Variants in CLASP2 observed in about 807,000 individuals in gnomAD.
CLASP2 encodes cytoplasmic linker associated protein 2.
In CLASP2, 47 loss-of-function variants were observed where a neutral mutation model predicts 194.4. That is an observed-to-expected ratio of 0.24 (90% CI 0.19 to 0.31). The LOEUF (loss-of-function observed/expected upper bound fraction) is 0.31. CLASP2 is among the 10% of genes least tolerant of loss of function. The pLI, the probability that CLASP2 is intolerant of heterozygous loss-of-function variation, is 1.00. For synonymous variants in CLASP2, 619 were observed against 633.5 expected (o/e 0.98, Z 0.34); for missense variants, 1,445 against 1,823.6 (o/e 0.79, Z 3.78).
intron 7 of CLASP2, among the ~76,000 whole-genome samples, chr3:33,651,762 C>T (rs2083265464): frequency 6.7e-6 from 1 of 150,242 alleles, no homozygotes; most frequent in African/African-American, 2.5e-5. Flanking sequence ...CGAGTTCAAG[C>T]GATTCCACTG....
chr3:33,615,776 T>C (rs1220069521), intron 12 of CLASP2, among the ~76,000 whole-genome samples: 4 of 152,042 alleles, frequency 2.6e-5, no homozygotes, highest in East Asian at 3.9e-4. Context: ...CTGATCAGAA[T>C]GTCATGAAAC....
At chr3:33,566,619 T>C (rs2062782175) in intron 27 of CLASP2, 113 bp downstream of exon 27, 3 of 342,090 alleles carry the variant, frequency 8.8e-6, no homozygotes, top group South Asian at 6.9e-5. Flanking sequence ...ATTTCGTGGA[T>C]TGCAAAGGTT....
intron 7 of CLASP2, among the ~76,000 whole-genome samples, chr3:33,660,089 G>A (rs1056700715): frequency 6.6e-6 from 1 of 152,082 alleles, no homozygotes; most frequent in Non-Finnish European, 1.5e-5. Flanking sequence ...ACACACACTC[G>A]ACAAATAAGA....
intron 9 of CLASP2, chr3:33,627,297 G>C: frequency 1.9e-6 from 1 of 516,672 alleles, no homozygotes; most frequent in Non-Finnish European, 3.5e-6. Flanking sequence ...CTTCCCTCAT[G>C]AATAACTTCA....
chr3:33,688,292 A>G lies in CLASP2; in HGVS notation c.455T>C (p.Ile152Thr). 3 of 1,578,854 alleles carry G rather than the reference A, an allele frequency of 1.9e-6. No homozygotes were observed. The highest frequency in any genetic ancestry group is 1.3e-5 in the African/African-American group (1 of 74,150). The change falls in exon 4 of 39, where the codon ATT (isoleucine) becomes ACT (threonine). Residue 152 changes from isoleucine (I) to threonine (T), a missense_variant. By Grantham distance (89) the Ile-to-Thr change is moderately conservative. Around this residue, in one of 4 missense-constraint regions of CLASP2, gnomAD observed 332 missense variants for 325.3 expected, o/e 1.02. Coordinates refer to ENST00000682230, the MANE Select transcript of CLASP2 (RefSeq NM_001365631.1). ...RSREGVCLCLIETLNIFGAQP... is the reference protein window; with the variant it reads ...RSREGVCLCLTETLNIFGAQP... Reference sequence around the variant, plus strand: ...TAAAACTTACATGTTTAAGGTTTCAATAAGACACAGACACACGCCTTCTCG... The same window carrying G: ...TAAAACTTACATGTTTAAGGTTTCAGTAAGACACAGACACACGCCTTCTCG...
intron 1 of CLASP2, among the ~76,000 whole-genome samples, chr3:33,712,134 G>A (rs2093044302): frequency 6.6e-6 from 1 of 152,162 alleles, no homozygotes; most frequent in African/African-American, 2.4e-5. Flanking sequence ...TAACCAATGA[G>A]TGAATAAAGA....
intron 1 of CLASP2, among the ~76,000 whole-genome samples, chr3:33,698,987 T>A (rs1337782693): frequency 6.6e-6 from 1 of 152,130 alleles, no homozygotes; most frequent in Non-Finnish European, 1.5e-5. Flanking sequence ...GCCAACAACA[T>A]GCAGGAATAA....
At chr3:33,687,209 C>T in intron 4 of CLASP2, 74 bp from the exon 5 acceptor site, 1 of 895,592 alleles carries the variant, frequency 1.1e-6, no homozygotes, top group Non-Finnish European at 1.7e-6. Context: ...CTTATACCTT[C>T]TTGTCTGTAG....
chr3:33,515,069 G>T (rs1374252540), intron 36 of CLASP2, among the ~76,000 whole-genome samples: 2 of 152,136 alleles, frequency 1.3e-5, no homozygotes, highest in African/African-American at 4.8e-5. Flanking sequence ...GGGACTTGGG[G>T]GAAAGAGTGG....
intron 37 of CLASP2, among the ~76,000 whole-genome samples, chr3:33,505,677 A>G (rs2047983366): frequency 6.6e-6 from 1 of 152,228 alleles, no homozygotes. Flanking sequence ...TAGACTAATA[A>G]CATCTGAACC....
At chr3:33,555,549 G>A (rs114300215) in intron 29 of CLASP2, among the ~76,000 whole-genome samples, 2,743 of 152,020 alleles carry the variant, frequency 0.018, 87 homozygotes, top group African/African-American at 0.062. Flanking sequence ...AAAATTTTTT[G>A]TAGAGATGGG....
chr3:33,652,625 T>C (rs1034867338), intron 7 of CLASP2, among the ~76,000 whole-genome samples: 1 of 152,244 alleles, frequency 6.6e-6, no homozygotes, highest in Non-Finnish European at 1.5e-5. Context: ...ACCTTCTATA[T>C]GCTGACAACT....
chr3:33,540,885 G>A (rs1437652397), intron 32 of CLASP2, among the ~76,000 whole-genome samples: 1 of 150,192 alleles, frequency 6.7e-6, no homozygotes, highest in Non-Finnish European at 1.5e-5. Context: ...TGATTTTCCT[G>A]CCTCATCCTC....
rs2046000339 is a variant in CLASP2, at chr3:33,497,879, T to C, written c.*752A>G. 1 of 152,602 alleles carries C rather than the reference T, an allele frequency of 6.6e-6. No individual in the cohort carries two copies. 9.5% of individuals were successfully genotyped at this position (152,602 alleles called of 1,614,324 possible). A position where few individuals can be genotyped will look rare whatever the true frequency, so the allele number is the denominator to read the frequency against. ...AAATAAACCCTGCAATAAAACCTTC[T>C]ATTTCAGTAAGTATCAAGAAAAAAC... On this transcript the variant is annotated 3_prime_UTR_variant, in exon 39 of 39. Transcript: ENST00000682230.
At chr3:33,685,355 A>T (rs2090516989) in intron 5 of CLASP2, among the ~76,000 whole-genome samples, 1 of 151,182 alleles carries the variant, frequency 6.6e-6, no homozygotes, top group African/African-American at 2.4e-5. Context: ...AAAAAAAAAA[A>T]AAAAAAAAAA....
At chr3:33,695,765 C>G (rs2091830065) in intron 2 of CLASP2, among the ~76,000 whole-genome samples, 1 of 152,194 alleles carries the variant, frequency 6.6e-6, no homozygotes, top group Admixed American at 6.5e-5. Flanking sequence ...CATAACAACA[C>G]CCCATCTCTA....
At chr3:33,606,541 G>A (rs953131177) in intron 16 of CLASP2, 50 bp downstream of exon 16, 1 of 1,456,456 alleles carries the variant, frequency 6.9e-7, no homozygotes, top group Non-Finnish European at 9.5e-7. Flanking sequence ...TGAAACTTCA[G>A]GGAGTTGAGG....
intron 9 of CLASP2, among the ~76,000 whole-genome samples, chr3:33,629,098 T>C (rs2078587167): frequency 6.6e-6 from 1 of 151,910 alleles, no homozygotes; most frequent in African/African-American, 2.4e-5. Context: ...AAGAATAAGC[T>C]AGAAAGAAGT....
In CLASP2 at chr3:33,501,774, G is replaced by GAGAGAAGTCCACTGTTAGTACTCC. The variant is rs553798258; in HGVS notation, c.4318-30_4318-7dup. On this transcript the variant is annotated splice_polypyrimidine_tract_variant and splice_region_variant and intron_variant, in intron 37 of 38. Transcript: ENST00000682230. ...CTCTCTGAATTATCATAACCCTACG[G>GAGAGAAGTCCACTGTTAGTACTCC]AGAGAAGTCCACTGTTAGTACTCCA... 4 of 1,592,906 alleles carry GAGAGAAGTCCACTGTTAGTACTCC rather than the reference G, an allele frequency of 2.5e-6. No individual in the cohort carries two copies. In the African/African-American group the frequency reaches 5.4e-5, roughly 21 times the overall value.
Sources: allele counts gnomAD v4.1 joint callset (sites outside exome capture counted in the v4.1 genomes callset), GRCh38; gene constraint gnomAD v4.1.1; regional missense constraint gnomAD v4.1.1; transcripts MANE v1.5; gene names NCBI Gene and HGNC (gene_info 2026-07-23, HGNC 2026-07-21).